The following TRPC6 variants were observed in gnomAD, a reference collection of about 807,000 sequenced individuals.
TRPC6 encodes the protein short transient receptor potential channel 6.
In TRPC6, 55 loss-of-function variants were observed where a neutral mutation model predicts 90.7. That is an observed-to-expected ratio of 0.61 (90% CI 0.49 to 0.76). The LOEUF is 0.76. Among genes scored for constraint, TRPC6 ranks in the 30% least tolerant of loss-of-function variants. The pLI is 0.00. For missense variants in TRPC6, 989 were observed against 1,122.7 expected, an observed-to-expected ratio of 0.88 and a Z score of 1.70; for synonymous variants, 393 against 393.0, an observed-to-expected ratio of 1.00 and a Z score of 0.00.
intron 6 of TRPC6, among the ~76,000 whole-genome samples, chr11:101,475,496 A>G (rs1475549757): frequency 1.3e-5 from 2 of 152,254 alleles, no homozygotes; most frequent in South Asian, 4.1e-4. Context: ...TCTAGCCACT[A>G]TACTGTATAT....
chr11:101,542,466 T>C (rs1489951695), intron 1 of TRPC6, among the ~76,000 whole-genome samples: 1 of 152,226 alleles, frequency 6.6e-6, no homozygotes, highest in East Asian at 1.9e-4. Flanking sequence ...AGCTAGCTGA[T>C]AGTCACTACT....
intron 1 of TRPC6, among the ~76,000 whole-genome samples, chr11:101,518,456 T>C (rs549291736): frequency 3.9e-5 from 6 of 152,306 alleles, no homozygotes; most frequent in South Asian, 4.1e-4. Context: ...CTTAACATCA[T>C]TGATCATCAG....
intron 1 of TRPC6, among the ~76,000 whole-genome samples, chr11:101,518,501 C>T (rs557884227): frequency 2.6e-3 from 393 of 152,248 alleles, no homozygotes; most frequent in South Asian, 0.016. Flanking sequence ...GAGATGTCAT[C>T]TCACCCAAGT....
At chr11:101,576,100 G>T (rs554557729) in intron 1 of TRPC6, among the ~76,000 whole-genome samples, 37 of 152,216 alleles carry the variant, frequency 2.4e-4, no homozygotes, top group African/African-American at 8.2e-4. Context: ...CAACCTACTG[G>T]CTGTGTAACT....
intron 2 of TRPC6, among the ~76,000 whole-genome samples, chr11:101,503,446 G>A (rs964576433): frequency 6.6e-6 from 1 of 152,050 alleles, no homozygotes; most frequent in African/African-American, 2.4e-5. Context: ...CAGCCTAACA[G>A]GAATTAAATA....
chr11:101,569,670 T>C (rs1275742906), intron 1 of TRPC6, among the ~76,000 whole-genome samples: 1 of 152,066 alleles, frequency 6.6e-6, no homozygotes, highest in African/African-American at 2.4e-5. Flanking sequence ...CAAACAAGTC[T>C]CTCAGACCAC....
In TRPC6 at chr11:101,512,182, C is replaced by T. The variant is rs117647324; in HGVS notation, c.171-7384G>A. Reference sequence around the variant, plus strand: ...TTTGATTCAATTAGTTTCAATTCTCCTCACGAACTCTTCTCATTTCTTCAA... The same window carrying T: ...TTTGATTCAATTAGTTTCAATTCTCTTCACGAACTCTTCTCATTTCTTCAA... On this transcript the variant is annotated intron_variant, in intron 1 of 12. Transcript: ENST00000344327. Among the ~76,000 whole-genome samples the T allele has an allele frequency of 6.0e-4, 92 of 152,174 alleles. 1 individual carries two copies. The East Asian group carries it at 0.015, about 26-fold the overall frequency.
chr11:101,499,368 ATG>A (rs1214067272), intron 2 of TRPC6, among the ~76,000 whole-genome samples: 11 of 151,964 alleles, frequency 7.2e-5, no homozygotes, highest in Non-Finnish European at 1.2e-4. Flanking sequence ...ATGAAATTTT[ATG>A]TGATTTCTTT....
At chr11:101,493,255 TA>T (rs1178701207) in intron 2 of TRPC6, among the ~76,000 whole-genome samples, 6 of 152,146 alleles carry the variant, frequency 3.9e-5, no homozygotes, top group African/African-American at 9.7e-5. Flanking sequence ...CTGATGAACT[TA>T]AAAAATTTTC....
intron 1 of TRPC6, among the ~76,000 whole-genome samples, chr11:101,581,572 A>T (rs1862197184): frequency 6.6e-6 from 1 of 152,222 alleles, no homozygotes; most frequent in Non-Finnish European, 1.5e-5. Flanking sequence ...TAGTTTAGCC[A>T]GGAGGTAATG....
Position 101,452,673 on chromosome 11 carries a change from T to C in TRPC6, c.*282A>G. ...TTTTCAGGCAGACACTACATGGCAA[T>C]GACATCATCACAAGAGTTAGTTATA... On this transcript the variant is annotated 3_prime_UTR_variant, in exon 13 of 13. Coordinates refer to ENST00000344327, the MANE Select transcript of TRPC6 (RefSeq NM_004621.6). The C allele has an allele frequency of 2.6e-6, 1 of 388,578 alleles. No individual in the cohort carries two copies. The highest frequency in any genetic ancestry group is 2.7e-5 in the South Asian group (1 of 37,716). The allele number at this position is 388,578 out of a possible 1,614,324, so 24.1% of individuals were successfully genotyped here. A position where few individuals can be genotyped will look rare whatever the true frequency, so the allele number is the denominator to read the frequency against.
At chr11:101,583,250 C>T (rs1240297631) in intron 1 of TRPC6, 84 bp downstream of exon 1, 1 of 1,496,136 alleles carries the variant, frequency 6.7e-7, no homozygotes, top group East Asian at 2.5e-5. Context: ...AGGACGCGCG[C>T]GGACGGACTC....
At chr11:101,494,375 G>T (rs1487867590) in intron 2 of TRPC6, among the ~76,000 whole-genome samples, 3 of 152,162 alleles carry the variant, frequency 2.0e-5, no homozygotes, top group Non-Finnish European at 4.4e-5. Flanking sequence ...GTATTAAAGA[G>T]ATTATGCATG....
intron 1 of TRPC6, among the ~76,000 whole-genome samples, chr11:101,582,390 G>A (rs761324668): frequency 1.3e-5 from 2 of 152,056 alleles, no homozygotes; most frequent in African/African-American, 4.8e-5. Context: ...AACCGCTTGC[G>A]GGTGGATGTG....
chr11:101,481,246 G>C (rs147884810), intron 5 of TRPC6, among the ~76,000 whole-genome samples: 2,515 of 152,234 alleles, frequency 0.017, 29 homozygotes, highest in Middle Eastern at 0.027. Context: ...TGGGATGTTG[G>C]GGGGAGGGAA....
In TRPC6 at chr11:101,583,955, T is replaced by TC. The variant is rs796204487; in HGVS notation, c.-453dup. 20 of 157,000 alleles carry TC rather than the reference T, an allele frequency of 1.3e-4. 1 individual carries two copies. Among genetic ancestry groups the TC allele is most frequent in the African/African-American group, 4.5e-4 (19 of 41,806 alleles). The allele number at this position is 157,000 out of a possible 1,614,324, so 9.7% of individuals were successfully genotyped here. Reference sequence around the variant, plus strand: ...ACCTTTAAAGGGATCCGAGCGACGTTCTAGAAAGCAGCCAAAGCCTGTCCT... The same window carrying TC: ...ACCTTTAAAGGGATCCGAGCGACGTTCCTAGAAAGCAGCCAAAGCCTGTCCT... On this transcript the variant is annotated 5_prime_UTR_variant, in exon 1 of 13. Transcript: ENST00000344327.
intron 1 of TRPC6, among the ~76,000 whole-genome samples, chr11:101,533,605 A>T (rs1860963546): frequency 6.6e-6 from 1 of 152,168 alleles, no homozygotes; most frequent in South Asian, 2.1e-4. Context: ...AGTGAAACTC[A>T]AGTGTCAGGT....
At chr11:101,568,751 T>C (rs1172189236) in intron 1 of TRPC6, among the ~76,000 whole-genome samples, 1 of 152,132 alleles carries the variant, frequency 6.6e-6, no homozygotes, top group East Asian at 1.9e-4. Flanking sequence ...GAATTTCATA[T>C]CCAGCCAAAC....
At chr11:101,554,486 C>T (rs1861519068) in intron 1 of TRPC6, among the ~76,000 whole-genome samples, 1 of 151,728 alleles carries the variant, frequency 6.6e-6, no homozygotes, top group South Asian at 2.1e-4. Context: ...CCCATGTTTG[C>T]ATGAATGTAT....
Sources: allele counts gnomAD v4.1 joint callset (sites outside exome capture counted in the v4.1 genomes callset), GRCh38; gene constraint gnomAD v4.1.1; transcripts MANE v1.5; gene names NCBI Gene and HGNC (gene_info 2026-07-23, HGNC 2026-07-21).